Variants in AK5 observed in about 807,000 individuals in gnomAD.
The protein encoded by AK5 is adenylate kinase isoenzyme 5.
In AK5, 27 loss-of-function variants were observed where a neutral mutation model predicts 69.5. The ratio of observed to expected loss-of-function variants is 0.39; its 90% CI spans 0.29 to 0.54. The LOEUF (loss-of-function observed/expected upper bound fraction) is 0.54, where lower values mean the gene tolerates loss of function less well. Among genes scored for constraint, AK5 ranks in the 20% least tolerant of loss-of-function variants. The pLI, the probability that AK5 is intolerant of heterozygous loss-of-function variation, is 0.71. For synonymous variants in AK5, 260 were observed against 244.4 expected (o/e 1.06, Z -0.60); for missense variants, 531 against 700.4 (o/e 0.76, Z 2.73).
intron 10 of AK5, among the ~76,000 whole-genome samples, chr1:77,491,827 G>A (rs1308004302): frequency 6.6e-6 from 1 of 152,176 alleles, no homozygotes; most frequent in Non-Finnish European, 1.5e-5. Context: ...ATCTTCTGGA[G>A]TAAGCACTAT....
chr1:77,431,311 C>A (rs1313761064), intron 8 of AK5, among the ~76,000 whole-genome samples: 3 of 152,162 alleles, frequency 2.0e-5, no homozygotes, highest in East Asian at 1.9e-4. Context: ...ACGAATCAAT[C>A]ATTTTCATTT....
chr1:77,438,311 A>G (rs3112828), intron 8 of AK5, among the ~76,000 whole-genome samples: 45 of 143,564 alleles, frequency 3.1e-4, no homozygotes, highest in South Asian at 6.4e-4. Flanking sequence ...AAAAAAAAAA[A>G]AAAAAAAAAA....
At chr1:77,376,537 AT>A (rs1328725190) in intron 6 of AK5, among the ~76,000 whole-genome samples, 1 of 144,078 alleles carries the variant, frequency 6.9e-6, no homozygotes, top group East Asian at 2.1e-4. Context: ...CTTCTCTTTG[AT>A]TTTTTTTCTC....
chr1:77,499,798 C>A (rs1482447986), intron 10 of AK5, among the ~76,000 whole-genome samples: 1 of 149,846 alleles, frequency 6.7e-6, no homozygotes, highest in South Asian at 2.1e-4. Context: ...GCTAGAAGGC[C>A]AGTGATAGCC....
intron 5 of AK5, among the ~76,000 whole-genome samples, chr1:77,309,566 A>C (rs546140250): frequency 1.3e-5 from 2 of 152,062 alleles, no homozygotes; most frequent in East Asian, 3.8e-4. Flanking sequence ...TTCATGTTAC[A>C]CTCTATAAAT....
chr1:77,294,595 GACAA>G (rs1204970798), intron 3 of AK5, among the ~76,000 whole-genome samples: 2 of 151,876 alleles, frequency 1.3e-5, no homozygotes, highest in Non-Finnish European at 2.9e-5. Context: ...ACTGTTAAAA[GACAA>G]ACAAATCTAA....
intron 11 of AK5, 56 bp downstream of exon 11, chr1:77,518,783 G>A (rs1657815442): frequency 6.4e-7 from 1 of 1,558,240 alleles, no homozygotes; most frequent in Admixed American, 1.9e-5. Flanking sequence ...GAGACCTTTG[G>A]GGTTTTTGTA....
intron 2 of AK5, among the ~76,000 whole-genome samples, chr1:77,287,751 A>G (rs1178796657): frequency 4.6e-5 from 7 of 152,264 alleles, no homozygotes. Context: ...AAGGGAAATG[A>G]TGTATAGATA....
At chr1:77,445,375 T>G (rs555681064) in intron 8 of AK5, among the ~76,000 whole-genome samples, 16 of 152,188 alleles carry the variant, frequency 1.1e-4, no homozygotes, top group Non-Finnish European at 2.2e-4. Context: ...TTCCTCATTA[T>G]TAGGGATGTT....
intron 6 of AK5, among the ~76,000 whole-genome samples, chr1:77,404,350 G>A (rs1649470063): frequency 6.6e-6 from 1 of 151,962 alleles, no homozygotes; most frequent in African/African-American, 2.4e-5. Context: ...AACCAAAAAT[G>A]TCTCCTGCCA....
chr1:77,520,103 TG>T (rs2100315028), intron 11 of AK5, among the ~76,000 whole-genome samples: 1 of 149,936 alleles, frequency 6.7e-6, no homozygotes, highest in Non-Finnish European at 1.5e-5. Context: ...CCTGGAAGAC[TG>T]AGGCAGGGGA....
intron 12 of AK5, among the ~76,000 whole-genome samples, chr1:77,522,355 A>G (rs1658036907): frequency 6.6e-6 from 1 of 152,286 alleles, no homozygotes; most frequent in African/African-American, 2.4e-5. Flanking sequence ...TCACAGTCCC[A>G]TCATCACTGA....
intron 10 of AK5, among the ~76,000 whole-genome samples, chr1:77,498,454 G>A (rs1040605977): frequency 6.6e-6 from 1 of 152,170 alleles, no homozygotes; most frequent in Admixed American, 6.5e-5. Context: ...TTATAAAGAG[G>A]GAGGCATTAC....
intron 8 of AK5, among the ~76,000 whole-genome samples, chr1:77,463,198 A>G (rs1159270587): frequency 1.3e-5 from 2 of 152,242 alleles, no homozygotes; most frequent in Non-Finnish European, 2.9e-5. Context: ...TGACTTCTGA[A>G]CAACTGAGAA....
chr1:77,515,484 G>A (rs1291614007), intron 10 of AK5, among the ~76,000 whole-genome samples: 3 of 152,224 alleles, frequency 2.0e-5, no homozygotes, highest in African/African-American at 7.2e-5. Flanking sequence ...GATGGTAAAT[G>A]TTTCCTTTTA....
intron 12 of AK5, among the ~76,000 whole-genome samples, chr1:77,524,876 T>C (rs1234052208): frequency 2.0e-5 from 3 of 152,328 alleles, no homozygotes; most frequent in Non-Finnish European, 2.9e-5. Context: ...TTAGCGCTTA[T>C]ATATTTAGGT....
intron 10 of AK5, among the ~76,000 whole-genome samples, chr1:77,503,936 T>G (rs12041509): frequency 0.17 from 25,680 of 151,712 alleles, 2,436 homozygotes; most frequent in Non-Finnish European, 0.18. Context: ...TGAAAAAAAT[T>G]TTTCACTGTT....
At position 77,287,718 on chromosome 1, in the gene AK5, GGAA is replaced by G. The variant is rs1444799453; in HGVS notation, c.247+597_247+599del. Among the ~76,000 whole-genome samples, 5 of 152,202 alleles carry G rather than the reference GGAA, an allele frequency of 3.3e-5. No individual in the cohort carries two copies. The East Asian group carries it at 9.6e-4, about 29-fold the overall frequency. On this transcript the variant is annotated intron_variant, in intron 2 of 13. Transcript: ENST00000354567. ...AGAGAAGCCAGCGCAGCCACGTGGT[GGAA>G]GAAGATTTATAGACAAAAAAAGGGA...
chr1:77,308,886 T>A (rs1383218966), intron 5 of AK5, among the ~76,000 whole-genome samples: 1 of 151,942 alleles, frequency 6.6e-6, no homozygotes, highest in Non-Finnish European at 1.5e-5. Flanking sequence ...GGAAAATTGC[T>A]TGAGCCTGGG....
Sources: gnomAD v4.1 joint callset for allele counts (sites outside exome capture counted in the v4.1 genomes callset) on GRCh38, gnomAD v4.1.1 for gene constraint, MANE v1.5 for transcripts, NCBI Gene and HGNC (gene_info 2026-07-23, HGNC 2026-07-21) for gene names.